The following FAM83B variants were observed in gnomAD, a reference collection of about 807,000 sequenced individuals.
The protein encoded by FAM83B is scaffolding CK1 anchoring protein B.
A neutral mutation model predicts 38.8 loss-of-function variants in FAM83B; 26 were observed. The ratio of observed to expected loss-of-function variants is 0.67; its 90% confidence interval spans 0.49 to 0.93. The LOEUF is 0.93. Among genes scored for constraint, FAM83B ranks in the 40% least tolerant of loss-of-function variants. The pLI, the probability that FAM83B is intolerant of heterozygous loss-of-function variation, is 0.00. For missense variants in FAM83B, 1,237 were observed against 1,197.3 expected, an observed-to-expected ratio of 1.03 and a Z score of -0.49; for synonymous variants, 419 against 423.1, an observed-to-expected ratio of 0.99 and a Z score of 0.12.
intron 1 of FAM83B, among the ~76,000 whole-genome samples, chr6:54,848,902 T>A (rs35776136): frequency 0.024 from 3,582 of 152,326 alleles, 53 homozygotes; most frequent in Middle Eastern, 0.11. Flanking sequence ...TCCTTGTTTA[T>A]CTAGTTAGGT....
intron 1 of FAM83B, among the ~76,000 whole-genome samples, chr6:54,865,489 A>G (rs1050796773): frequency 3.3e-5 from 5 of 152,184 alleles, no homozygotes; most frequent in Non-Finnish European, 7.4e-5. Context: ...CCGGTAATGC[A>G]GGTTAGGACT....
In FAM83B at chr6:54,891,923, C is replaced by T. The variant is rs189298641; in HGVS notation, c.444+21233C>T. Among the ~76,000 whole-genome samples the T allele has an allele frequency of 4.3e-3, 661 of 152,150 alleles. 8 individuals carry two copies. Among genetic ancestry groups the T allele is most frequent in the African/African-American group, 0.015 (629 of 41,518 alleles). The stretch of plus-strand genomic sequence containing the variant: ...CCTACTACCTCAGCCTCCCAAAGTA[C>T]CAGGATTATAGGTATGAGCCAGCAC... On this transcript the variant is annotated intron_variant, in intron 2 of 4. Coordinates refer to ENST00000306858, the MANE Select transcript of FAM83B (RefSeq NM_001010872.3).
At chr6:54,856,749 G>A (rs1035998279) in intron 1 of FAM83B, among the ~76,000 whole-genome samples, 3 of 152,188 alleles carry the variant, frequency 2.0e-5, no homozygotes, top group Admixed American at 1.3e-4. Context: ...AAAGAGAAAA[G>A]CACTTTTTTC....
chr6:54,905,881 T>TA (rs1772767213), intron 2 of FAM83B, among the ~76,000 whole-genome samples: 1 of 151,994 alleles, frequency 6.6e-6, no homozygotes, highest in Non-Finnish European at 1.5e-5. Flanking sequence ...ATTTGCCCCC[T>TA]ATAAACATGT....
intron 1 of FAM83B, among the ~76,000 whole-genome samples, chr6:54,851,541 T>G (rs1260522225): frequency 3.3e-5 from 5 of 151,378 alleles, no homozygotes; most frequent in Non-Finnish European, 7.4e-5. Flanking sequence ...GGCGTGATCT[T>G]GGCCCACCAC....
At chr6:54,934,059 A>G (rs981097464) in intron 4 of FAM83B, among the ~76,000 whole-genome samples, 6 of 152,142 alleles carry the variant, frequency 3.9e-5, no homozygotes, top group Non-Finnish European at 7.4e-5. Context: ...GGTCGCTAGC[A>G]TTTCACAGAG....
intron 1 of FAM83B, among the ~76,000 whole-genome samples, chr6:54,868,519 CAAAAG>C (rs1161839142): frequency 6.6e-6 from 1 of 152,104 alleles, no homozygotes; most frequent in Non-Finnish European, 1.5e-5. Flanking sequence ...AATTAAGTAA[CAAAAG>C]AAATTTTATT....
intron 2 of FAM83B, among the ~76,000 whole-genome samples, chr6:54,877,566 T>C (rs1255449649): frequency 1.3e-5 from 2 of 152,254 alleles, no homozygotes; most frequent in Non-Finnish European, 2.9e-5. Context: ...ACTTTTATCC[T>C]AAGGACTGGA....
intron 1 of FAM83B, among the ~76,000 whole-genome samples, chr6:54,852,895 A>G (rs1325435111): frequency 6.6e-6 from 1 of 152,080 alleles, no homozygotes; most frequent in Non-Finnish European, 1.5e-5. Context: ...TGCCCAATAC[A>G]AATTTGTGAA....
chr6:54,880,435 A>G (rs905195768), intron 2 of FAM83B, among the ~76,000 whole-genome samples: 2 of 135,004 alleles, frequency 1.5e-5, no homozygotes, highest in Non-Finnish European at 3.3e-5. Context: ...TATATATAGA[A>G]GGTTTCTTTT....
At chr6:54,927,413 T>G in intron 3 of FAM83B, 95 bp from the exon 4 acceptor site, 1 of 1,025,768 alleles carries the variant, frequency 9.7e-7, no homozygotes, top group Non-Finnish European at 1.3e-6. Context: ...AAGTAAATTT[T>G]TTTATATTAA....
chr6:54,941,763 G>A lies in FAM83B; in HGVS notation c.2792G>A (p.Arg931Gln), dbSNP rs775337461. The A allele has an allele frequency of 5.9e-5, 95 of 1,613,914 alleles. No homozygotes were observed. Among genetic ancestry groups the A allele is most frequent in the Non-Finnish European group, 7.4e-5 (87 of 1,180,018 alleles). Residue 931 changes from arginine to glutamine, a missense_variant, in exon 5 of 5, where the codon CGG becomes CAG. Coordinates refer to ENST00000306858, the MANE Select transcript of FAM83B (RefSeq NM_001010872.3). ...SELLRSHSTD[R>Q]RVYSRFEPFC... ...CTTCTACGATCTCATTCAACTGATC[G>A]GCGTGTTTACAGTCGTTTTGAGCCG...
At chr6:54,849,617 T>A (rs1771224602) in intron 1 of FAM83B, among the ~76,000 whole-genome samples, 1 of 151,954 alleles carries the variant, frequency 6.6e-6, no homozygotes, top group Non-Finnish European at 1.5e-5. Context: ...AGATATTCAT[T>A]GGGCATGCTG....
At chr6:54,900,181 G>A (rs1226666888) in intron 2 of FAM83B, among the ~76,000 whole-genome samples, 2 of 152,018 alleles carry the variant, frequency 1.3e-5, no homozygotes, top group African/African-American at 4.8e-5. Flanking sequence ...CCAATATTTG[G>A]TATTTTCATA....
chr6:54,846,242 G>T (rs941133785), upstream of FAM83B, among the ~76,000 whole-genome samples: 1 of 152,196 alleles, frequency 6.6e-6, no homozygotes. Context: ...GATGCCCACT[G>T]GAATTACCTA....
intron 4 of FAM83B, among the ~76,000 whole-genome samples, chr6:54,931,165 G>T (rs1773411771): frequency 6.6e-6 from 1 of 152,226 alleles, no homozygotes; most frequent in Middle Eastern, 3.4e-3. Flanking sequence ...AAGATACTTT[G>T]TGTGATTTAA....
chr6:54,920,412 A>G (rs927185013), intron 2 of FAM83B, among the ~76,000 whole-genome samples: 1 of 151,916 alleles, frequency 6.6e-6, no homozygotes, highest in Non-Finnish European at 1.5e-5. Flanking sequence ...TATTTAGGCA[A>G]TTACAAAAGA....
chr6:54,922,392 A>G (rs1203661511), intron 2 of FAM83B, among the ~76,000 whole-genome samples: 2 of 152,072 alleles, frequency 1.3e-5, no homozygotes, highest in Non-Finnish European at 2.9e-5. Flanking sequence ...AAGTTATTTT[A>G]TAAAATAAAT....
chr6:54,868,334 T>G (rs9464155), intron 1 of FAM83B, among the ~76,000 whole-genome samples: 2,573 of 152,206 alleles, frequency 0.017, 72 homozygotes, highest in African/African-American at 0.059. Context: ...TCCGCACAAG[T>G]GATTCTATTT....
Sources: gnomAD v4.1 joint callset for allele counts (sites outside exome capture counted in the v4.1 genomes callset) on GRCh38, gnomAD v4.1.1 for gene constraint, MANE v1.5 for transcripts, NCBI Gene and HGNC (gene_info 2026-07-23, HGNC 2026-07-21) for gene names.